The following ITSN1 variants were observed in gnomAD, a reference collection of about 807,000 sequenced individuals.
ITSN1 encodes intersectin 1, also known as intersectin-1.
ITSN1 carries 58 observed loss-of-function variants against 239.8 expected under a neutral mutation model. That is an observed-to-expected ratio of 0.24 (90% CI 0.20 to 0.30). The LOEUF (loss-of-function observed/expected upper bound fraction) is 0.30, where lower values mean the gene tolerates loss of function less well. Ranked by LOEUF, ITSN1 falls within the 10% of genes least tolerant of loss-of-function variation. The pLI is 1.00. For synonymous variants in ITSN1, 780 were observed against 770.8 expected (o/e 1.01, Z -0.20); for missense variants, 1,558 against 2,103.3 (o/e 0.74, Z 5.07).
intron 1 of ITSN1, among the ~76,000 whole-genome samples, chr21:33,697,292 G>A (rs1387947953): frequency 3.6e-5 from 5 of 137,162 alleles, no homozygotes; most frequent in South Asian, 2.3e-4. Context: ...ATATTGGCCC[G>A]GCTGGTCTCA....
At chr21:33,832,869 A>C (rs909668284) in intron 27 of ITSN1, among the ~76,000 whole-genome samples, 1 of 152,098 alleles carries the variant, frequency 6.6e-6, no homozygotes, top group Non-Finnish European at 1.5e-5. Flanking sequence ...CTTTTCTTTT[A>C]GTTTTATTTC....
intron 29 of ITSN1, among the ~76,000 whole-genome samples, chr21:33,843,797 G>C (rs2148438701): frequency 6.6e-6 from 1 of 152,270 alleles, no homozygotes; most frequent in East Asian, 1.9e-4. Flanking sequence ...GTGTGATCTT[G>C]GGCAAGTTAT....
intron 21 of ITSN1, among the ~76,000 whole-genome samples, chr21:33,812,746 G>T (rs139621863): frequency 6.6e-6 from 1 of 152,286 alleles, no homozygotes; most frequent in African/African-American, 2.4e-5. Context: ...TGATCCTCCT[G>T]CCTTGGCCTC....
intron 34 of ITSN1, among the ~76,000 whole-genome samples, chr21:33,876,856 A>G (rs570713777): frequency 1.1e-4 from 17 of 152,304 alleles, no homozygotes; most frequent in Admixed American, 3.3e-4. Context: ...TGGGCAACAG[A>G]GCAGAATGTG....
At chr21:33,716,938 A>C (rs1000074996) in intron 1 of ITSN1, among the ~76,000 whole-genome samples, 1 of 151,430 alleles carries the variant, frequency 6.6e-6, no homozygotes, top group Non-Finnish European at 1.5e-5. Flanking sequence ...TCCGTCTCAA[A>C]AAAAAAAAAA....
intron 5 of ITSN1, among the ~76,000 whole-genome samples, chr21:33,739,613 A>G (rs1336023462): frequency 6.6e-6 from 1 of 152,198 alleles, no homozygotes; most frequent in Non-Finnish European, 1.5e-5. Context: ...GTAGAACAAG[A>G]TGGCCAGGGA....
At chr21:33,708,357 T>A (rs1029831346) in intron 1 of ITSN1, among the ~76,000 whole-genome samples, 1 of 152,182 alleles carries the variant, frequency 6.6e-6, no homozygotes, top group Non-Finnish European at 1.5e-5. Flanking sequence ...TTGTTTTTTT[T>A]ATTACTTTGA....
intron 29 of ITSN1, among the ~76,000 whole-genome samples, chr21:33,843,247 G>C (rs2074884861): frequency 6.6e-6 from 1 of 152,174 alleles, no homozygotes; most frequent in African/African-American, 2.4e-5. Context: ...AATAGCCCCA[G>C]AGCTCCTGCC....
chr21:33,780,237 G>T (rs1161833688), intron 14 of ITSN1, among the ~76,000 whole-genome samples: 1 of 152,054 alleles, frequency 6.6e-6, no homozygotes, highest in Non-Finnish European at 1.5e-5. Context: ...ATATGACCAA[G>T]TACAATTTTT....
chr21:33,643,117 GC>G (rs1825898420), intron 1 of ITSN1, among the ~76,000 whole-genome samples: 1 of 151,206 alleles, frequency 6.6e-6, no homozygotes, highest in African/African-American at 2.4e-5. Context: ...GCGAGGGGCG[GC>G]CCGGCCTCGC....
At chr21:33,854,913 C>A (rs1979024323) in intron 29 of ITSN1, among the ~76,000 whole-genome samples, 1 of 152,168 alleles carries the variant, frequency 6.6e-6, no homozygotes, top group Admixed American at 6.5e-5. Context: ...CCAGCATTCT[C>A]CTGCTGGTCT....
intron 1 of ITSN1, among the ~76,000 whole-genome samples, chr21:33,687,279 T>A (rs995576500): frequency 6.6e-6 from 1 of 151,386 alleles, no homozygotes; most frequent in African/African-American, 2.4e-5. Flanking sequence ...GCACCTGTAA[T>A]CTCAGCTACT....
At chr21:33,745,699 A>G (rs1376211606) in intron 5 of ITSN1, among the ~76,000 whole-genome samples, 1 of 152,186 alleles carries the variant, frequency 6.6e-6, no homozygotes, top group Admixed American at 6.5e-5. Context: ...GCCTGTGCCC[A>G]GCAGCTTTGT....
Position 33,716,564 on chromosome 21 carries a change from A to G in ITSN1, c.-32-2233A>G, listed in dbSNP as rs573231674. Reference sequence around the variant, plus strand: ...GGTGTCCCAATGAAAAGGTAACTCAATATACCTGATCATTTTACAGAGAAG... The same window carrying G: ...GGTGTCCCAATGAAAAGGTAACTCAGTATACCTGATCATTTTACAGAGAAG... On this transcript the variant is annotated intron_variant, in intron 1 of 39. Transcript: ENST00000381318. 6 of 152,318 alleles carry G rather than the reference A, an allele frequency of 3.9e-5. No individual in the cohort carries two copies. In the East Asian group the frequency reaches 5.8e-4, roughly 15 times the overall value. 9.4% of individuals were successfully genotyped at this position (152,318 alleles called of 1,614,324 possible).
chr21:33,664,960 T>TA (rs1009147830), intron 1 of ITSN1, among the ~76,000 whole-genome samples: 4 of 148,664 alleles, frequency 2.7e-5, no homozygotes, highest in African/African-American at 9.9e-5. Flanking sequence ...CATCTACTTA[T>TA]AAAAAATAAT....
intron 30 of ITSN1, among the ~76,000 whole-genome samples, chr21:33,857,564 C>A (rs1472606099): frequency 6.6e-6 from 1 of 152,202 alleles, no homozygotes; most frequent in Non-Finnish European, 1.5e-5. Flanking sequence ...CTGGCAACCA[C>A]CACACCAAAC....
intron 1 of ITSN1, among the ~76,000 whole-genome samples, chr21:33,667,862 G>A (rs906383240): frequency 1.3e-5 from 2 of 152,128 alleles, no homozygotes; most frequent in Non-Finnish European, 1.5e-5. Flanking sequence ...GGCTGGCATC[G>A]TAGTACTGCA....
At position 33,735,142 on chromosome 21, in the gene ITSN1, C is replaced by A; in HGVS notation, c.284C>A (p.Pro95His). ...CTGAAGCTACAAGGATATCAGCTAC[C>A]CTCTGCACTTCCCCCTGTCATGAAA... The part of the protein sequence containing the change: ...IKLKLQGYQL[P>H]SALPPVMKQQ... Residue 95 changes from proline (P) to histidine (H), a missense_variant, in exon 5 of 40, where the codon CCC becomes CAC. By Grantham distance (77) the Pro-to-His change is moderately conservative. This residue lies in a region of ITSN1 where 982 missense variants were observed against 1,209.9 expected (regional missense o/e 0.81). Coordinates refer to ENST00000381318, the MANE Select transcript of ITSN1 (RefSeq NM_003024.3). 6.2e-7 allele frequency: 1 copy of A among 1,613,986 alleles called. No individual in the cohort carries two copies. Among genetic ancestry groups the A allele is most frequent in the Non-Finnish European group, 8.5e-7 (1 of 1,179,922 alleles).
At chr21:33,792,986 C>G (rs567347216) in intron 16 of ITSN1, among the ~76,000 whole-genome samples, 1 of 152,016 alleles carries the variant, frequency 6.6e-6, no homozygotes, top group Admixed American at 6.6e-5. Flanking sequence ...AGTACCTCCC[C>G]CCAGACCCCT....
Sources: gnomAD v4.1 joint callset for allele counts (sites outside exome capture counted in the v4.1 genomes callset) on GRCh38, gnomAD v4.1.1 for gene constraint, gnomAD v4.1.1 regional missense constraint, MANE v1.5 for transcripts, NCBI Gene and HGNC (gene_info 2026-07-23, HGNC 2026-07-21) for gene names.